Variants in SCN10A observed in about 807,000 individuals in gnomAD.
The protein encoded by SCN10A is sodium channel protein type 10 subunit alpha.
In SCN10A, 162 loss-of-function variants were observed where a neutral mutation model predicts 170.7. The observed-to-expected ratio is 0.95, with a 90% CI of 0.84 to 1.08. The LOEUF is 1.08. SCN10A is among the 50% of genes least tolerant of loss of function. The pLI is 0.00. For missense variants in SCN10A, 2,527 were observed against 2,436.9 expected, an observed-to-expected ratio of 1.04 and a Z score of -0.78; for synonymous variants, 985 against 904.6, an observed-to-expected ratio of 1.09 and a Z score of -1.59.
At chr3:38,700,898 G>A (rs75559840) in intron 27 of SCN10A, among the ~76,000 whole-genome samples, 7,999 of 152,236 alleles carry the variant, frequency 0.053, 301 homozygotes, top group Admixed American at 0.085. Context: ...GGCCTTTATA[G>A]GGTCAAACTT....
At chr3:38,747,183 C>T (rs1290638869) in intron 13 of SCN10A, among the ~76,000 whole-genome samples, 2 of 152,144 alleles carry the variant, frequency 1.3e-5, no homozygotes, top group Non-Finnish European at 2.9e-5. Context: ...CTTTCTTACT[C>T]TACTGTCACA....
At chr3:38,778,005 A>G (rs916498016) in intron 4 of SCN10A, among the ~76,000 whole-genome samples, 1 of 152,120 alleles carries the variant, frequency 6.6e-6, no homozygotes, top group Non-Finnish European at 1.5e-5. Context: ...GCAATAAAAA[A>G]TGAATGAATT....
At chr3:38,706,306 TA>T (rs1381489924) in intron 26 of SCN10A, among the ~76,000 whole-genome samples, 18 of 152,376 alleles carry the variant, frequency 1.2e-4, no homozygotes, top group African/African-American at 4.3e-4. Context: ...ATAATTCATT[TA>T]GGGAAAGGCT....
intron 1 of SCN10A, among the ~76,000 whole-genome samples, chr3:38,799,646 A>G (rs1369939635): frequency 2.0e-5 from 3 of 152,212 alleles, no homozygotes; most frequent in African/African-American, 7.2e-5. Context: ...GTTTGGCAGC[A>G]TAATTGCAGT....
At chr3:38,724,870 G>T (rs766362780) in intron 18 of SCN10A, among the ~76,000 whole-genome samples, 5 of 152,152 alleles carry the variant, frequency 3.3e-5, no homozygotes, top group Non-Finnish European at 7.3e-5. Flanking sequence ...ATGAATAAAT[G>T]GCGGCTCAGA....
At chr3:38,771,553 A>G in intron 4 of SCN10A, 146 bp from the exon 5 acceptor site, 1 of 752,760 alleles carries the variant, frequency 1.3e-6, no homozygotes, top group Non-Finnish European at 2.2e-6. Context: ...AGGGGGAAGA[A>G]GGTAAGGAGA....
At position 38,800,242 on chromosome 3, in the gene SCN10A, T is replaced by C. The variant is rs188600715; in HGVS notation, c.-32-6200A>G. ...AGCTCTTCCAGCTTCTCTAGTACAGTGAACTTCACATGCCAGTCCACAGTC... is the reference window on the plus strand; with the variant it reads ...AGCTCTTCCAGCTTCTCTAGTACAGCGAACTTCACATGCCAGTCCACAGTC... On this transcript the variant is annotated intron_variant, in intron 1 of 27. Transcript: ENST00000449082. 2.9e-3 allele frequency among the ~76,000 whole-genome samples: 445 copies of C among 152,248 alleles called. 2 individuals are homozygous for C. Among genetic ancestry groups the C allele is most frequent in the South Asian group, 0.013 (61 of 4,830 alleles).
chr3:38,792,303 G>A (rs2064293006), intron 2 of SCN10A, 135 bp from the exon 3 acceptor site: 1 of 1,101,004 alleles, frequency 9.1e-7, no homozygotes, highest in Admixed American at 2.2e-5. Flanking sequence ...GTCAATGAGA[G>A]TCAAATGCAG....
chr3:38,725,427 C>A, intron 17 of SCN10A, 113 bp from the exon 18 acceptor site: 2 of 960,164 alleles, frequency 2.1e-6, no homozygotes, highest in Non-Finnish European at 1.5e-6. Flanking sequence ...TTCATATATG[C>A]AACTCATGTA....
Position 38,728,760 on chromosome 3 carries a change from G to T in SCN10A, c.2422C>A (p.Leu808Ile). 1.2e-6 allele frequency: 2 copies of T among 1,614,186 alleles called. No homozygotes were observed. Among genetic ancestry groups the T allele is most frequent in the East Asian group, 2.2e-5 (1 of 44,870 alleles). Residue 808 changes from leucine (L) to isoleucine (I), a missense_variant, in exon 16 of 28, where the codon CTC becomes ATC. By Grantham distance (5) the Leu-to-Ile change is conservative. Transcript: ENST00000449082. ...TTGTTACGGTAGTTTTCCCCTAGGA[G>T]CTGCTTGCCAACCAGAGCAAAGACA... ...VFVFALVGKQLLGENYRNNRK... is the reference protein window; with the variant it reads ...VFVFALVGKQILGENYRNNRK...
At chr3:38,745,020 A>G (rs1185265799) in intron 13 of SCN10A, among the ~76,000 whole-genome samples, 1 of 152,152 alleles carries the variant, frequency 6.6e-6, no homozygotes, top group African/African-American at 2.4e-5. Context: ...CAAAAGCAAG[A>G]ACTTCCCTGG....
chr3:38,786,320 T>G (rs928642904), intron 4 of SCN10A, among the ~76,000 whole-genome samples: 1 of 152,030 alleles, frequency 6.6e-6, no homozygotes, highest in African/African-American at 2.4e-5. Context: ...GAGTTCATGT[T>G]CTTTGCAGGG....
chr3:38,728,870 G>A lies in SCN10A; in HGVS notation c.2312C>T (p.Pro771Leu), dbSNP rs758157003. 6.2e-7 allele frequency: 1 copy of A among 1,612,484 alleles called. No individual in the cohort carries two copies. Among genetic ancestry groups the A allele is most frequent in the Non-Finnish European group, 8.5e-7 (1 of 1,178,664 alleles). ...GATCTTGATGAGTGTGTTTAAGGTG[G>A]GCCAGGATTTGGCCAGCTTGAATAC... ...LRVFKLAKSW[P>L]TLNTLIKIIG... The change falls in exon 16 of 28, where the codon CCC becomes CTC. Residue 771 changes from proline to leucine, a missense_variant. By Grantham distance (98) the Pro-to-Leu change is moderately conservative. Coordinates refer to ENST00000449082, the MANE Select transcript of SCN10A (RefSeq NM_006514.4).
At chr3:38,788,083 A>G (rs9836531) in intron 4 of SCN10A, among the ~76,000 whole-genome samples, 26,823 of 151,944 alleles carry the variant, frequency 0.18, 3,117 homozygotes, top group African/African-American at 0.33. Flanking sequence ...AGAATTTAAA[A>G]TTATAAATGG....
chr3:38,781,084 T>TA (rs1254669847), intron 4 of SCN10A, among the ~76,000 whole-genome samples: 4 of 152,100 alleles, frequency 2.6e-5, no homozygotes, highest in Non-Finnish European at 4.4e-5. Context: ...GAAAAATGTT[T>TA]AAAAAATCGT....
At chr3:38,809,090 T>A (rs1366500341) in intron 1 of SCN10A, among the ~76,000 whole-genome samples, 3 of 152,212 alleles carry the variant, frequency 2.0e-5, no homozygotes, top group Non-Finnish European at 1.5e-5. Flanking sequence ...CTGATTATGA[T>A]CTTGTGAGAA....
chr3:38,784,508 A>G (rs1051125272), intron 4 of SCN10A, among the ~76,000 whole-genome samples: 9 of 152,190 alleles, frequency 5.9e-5, no homozygotes, highest in African/African-American at 1.9e-4. Flanking sequence ...ATTTATGACA[A>G]GCCCCCAGCC....
At chr3:38,765,388 A>G (rs745582743) in intron 5 of SCN10A, among the ~76,000 whole-genome samples, 12 of 152,178 alleles carry the variant, frequency 7.9e-5, no homozygotes, top group Non-Finnish European at 1.6e-4. Flanking sequence ...TGATTTTTGT[A>G]TAAGGTGAGA....
At chr3:38,713,763 C>A (rs2063300628) in intron 22 of SCN10A, among the ~76,000 whole-genome samples, 195 bp downstream of exon 22, 1 of 152,116 alleles carries the variant, frequency 6.6e-6, no homozygotes, top group Non-Finnish European at 1.5e-5. Context: ...ACAATCTCGG[C>A]TCACTACCAC....
Sources: gnomAD v4.1 joint callset for allele counts (sites outside exome capture counted in the v4.1 genomes callset) on GRCh38, gnomAD v4.1.1 for gene constraint, MANE v1.5 for transcripts, NCBI Gene and HGNC (gene_info 2026-07-23, HGNC 2026-07-21) for gene names.